JAKMIP1: variants seen among roughly 807,000 people sequenced by gnomAD.
The protein encoded by JAKMIP1 is janus kinase and microtubule-interacting protein 1.
A neutral mutation model predicts 113.0 loss-of-function variants in JAKMIP1; 33 were observed. That is an observed-to-expected ratio of 0.29 (90% confidence interval 0.22 to 0.39). The LOEUF (loss-of-function observed/expected upper bound fraction) is 0.39, where lower values mean the gene tolerates loss of function less well. Among genes scored for constraint, JAKMIP1 ranks in the 10% least tolerant of loss-of-function variants. JAKMIP1 has a pLI of 1.00. For synonymous variants in JAKMIP1, 480 were observed against 459.9 expected (o/e 1.04, Z -0.56); for missense variants, 813 against 1,080.5 (o/e 0.75, Z 3.47).
chr4:6,135,624 A>G lies in JAKMIP1; in HGVS notation c.-147-22627T>C, dbSNP rs1719118802. 6.6e-6 allele frequency among the ~76,000 whole-genome samples: 1 copy of G among 152,166 alleles called. No homozygotes were observed. The highest frequency in any genetic ancestry group is 2.1e-4 in the South Asian group (1 of 4,820). On this transcript the variant is annotated intron_variant, in intron 1 of 20. Transcript: ENST00000409021. The surrounding 1 kb of genome is among the most constrained non-coding windows in gnomAD (Gnocchi z 4.9). ...CATACACAGCATTTTGCAGATTAAA[A>G]TAATCTAGTTCCCTGCATACCACTG...
Position 6,168,506 on chromosome 4 carries a change from A to G in JAKMIP1, c.-148+31747T>C, listed in dbSNP as rs1438505953. The stretch of plus-strand genomic sequence containing the variant: ...TCAACACCTGCTACGACATGAATGA[A>G]CCTGGAAAACATTCCACTAAATGAA... On this transcript the variant is annotated intron_variant, in intron 1 of 20. Transcript: ENST00000409021. The surrounding 1 kb of genome is among the most constrained non-coding windows in gnomAD (Gnocchi z 4.6). 6.6e-6 allele frequency among the ~76,000 whole-genome samples: 1 copy of G among 152,208 alleles called. No homozygotes were observed. Among genetic ancestry groups the G allele is most frequent in the Non-Finnish European group, 1.5e-5 (1 of 68,046 alleles).
At position 6,085,540 on chromosome 4, in the gene JAKMIP1, C is replaced by A; in HGVS notation, c.714G>T (p.Leu238=). ...VQAGQTQKLL[L]QKEALDEQLV... is the part of the protein sequence containing the mutation. ...GCTGCTCATCCAAAGCCTCTTTCTGCAGAAGCAGCTTCTGGGTCTGCCCAG... is the reference window on the plus strand; with the variant it reads ...GCTGCTCATCCAAAGCCTCTTTCTGAAGAAGCAGCTTCTGGGTCTGCCCAG... Residue 238 remains leucine, a synonymous_variant, in exon 4 of 21, where the codon CTG becomes CTT. Coordinates refer to ENST00000409021, the MANE Select transcript of JAKMIP1 (RefSeq NM_001099433.2). The A allele has an allele frequency of 6.2e-7, 1 of 1,614,238 alleles. No individual in the cohort carries two copies. Among genetic ancestry groups the A allele is most frequent in the East Asian group, 2.2e-5 (1 of 44,884 alleles).
In JAKMIP1 at chr4:6,049,891, G is replaced by A. The variant is rs1460914199; in HGVS notation, c.1909-19C>T. 8.1e-6 allele frequency: 13 copies of A among 1,595,936 alleles called. No individual in the cohort carries two copies. The highest frequency in any genetic ancestry group is 1.3e-5 in the African/African-American group (1 of 74,574). On this transcript the variant is annotated intron_variant, in intron 14 of 20. Coordinates refer to ENST00000409021, the MANE Select transcript of JAKMIP1 (RefSeq NM_001099433.2). This position sits in a 1 kb window ranked among gnomAD's most constrained non-coding sequence, Gnocchi z 7.0. ...TCACATCCTGGAAGAGATTTCCAAC[G>A]TTCATTTTTGTGTGAGCTACAGAGA...
intron 8 of JAKMIP1, among the ~76,000 whole-genome samples, chr4:6,066,734 C>T (rs1236357174): frequency 1.3e-5 from 2 of 152,140 alleles, no homozygotes; most frequent in Admixed American, 6.5e-5. Flanking sequence ...CTCTCCCCCT[C>T]TCTCCATTGG....
rs1451991242 is a variant in JAKMIP1, at chr4:6,106,440, T to C, written c.130-473A>G. Among the ~76,000 whole-genome samples the C allele has an allele frequency of 6.6e-6, 1 of 152,094 alleles. No homozygotes were observed. The highest frequency in any genetic ancestry group is 1.5e-5 in the Non-Finnish European group (1 of 68,012). On this transcript the variant is annotated intron_variant, in intron 2 of 20. Transcript: ENST00000409021. This position sits in a 1 kb window ranked among gnomAD's most constrained non-coding sequence, Gnocchi z 5.9. ...CACCATTCTTGTTGAGTGGGGTCCC[T>C]AGCTGGGCTGGGGGCTCCAATGCAT...
rs182469100 is a variant in JAKMIP1 at position 6,072,388 on chromosome 4, C to T, written c.1302+6551G>A. 1.2e-4 allele frequency among the ~76,000 whole-genome samples: 19 copies of T among 152,308 alleles called. No homozygotes were observed. In the East Asian group the frequency reaches 2.5e-3, roughly 20 times the overall value. On this transcript the variant is annotated intron_variant, in intron 8 of 20. Coordinates refer to ENST00000409021, the MANE Select transcript of JAKMIP1 (RefSeq NM_001099433.2). ...TGATTTACATCAGCCACTCAGCTGGCGAGGCTGGGACAAAGTCCTGCTGCC... is the reference window on the plus strand; with the variant it reads ...TGATTTACATCAGCCACTCAGCTGGTGAGGCTGGGACAAAGTCCTGCTGCC...
rs768451405 is a variant in JAKMIP1 at position 6,142,955 on chromosome 4, G to A, written c.-147-29958C>T. On this transcript the variant is annotated intron_variant, in intron 1 of 20. Transcript: ENST00000409021. This position sits in a 1 kb window ranked among gnomAD's most constrained non-coding sequence, Gnocchi z 5.5. ...AGCACTGTGTGTGTGTGTGTTTGTG[G>A]CCTCTCATCTCTGACTATACTATCA... is the stretch of plus-strand genomic sequence containing the variant. Among the ~76,000 whole-genome samples, 8 of 152,158 alleles carry A rather than the reference G, an allele frequency of 5.3e-5. No individual in the cohort carries two copies. The highest frequency in any genetic ancestry group is 1.2e-4 in the Non-Finnish European group (8 of 68,032).
At chr4:6,035,385 C>T (rs966228113) in intron 19 of JAKMIP1, among the ~76,000 whole-genome samples, 1 of 152,130 alleles carries the variant, frequency 6.6e-6, no homozygotes, top group African/African-American at 2.4e-5. Context: ...CTGCATGATG[C>T]TGCTGCTTCT....
chr4:6,130,358 G>A (rs1718327649), intron 1 of JAKMIP1, among the ~76,000 whole-genome samples: 1 of 152,188 alleles, frequency 6.6e-6, no homozygotes, highest in Non-Finnish European at 1.5e-5. Flanking sequence ...AGACAACTGA[G>A]GTCATAGGAC....
chr4:6,109,658 G>A lies in JAKMIP1; in HGVS notation c.129+3064C>T, dbSNP rs114631412. On this transcript the variant is annotated intron_variant, in intron 2 of 20. Coordinates refer to ENST00000409021, the MANE Select transcript of JAKMIP1 (RefSeq NM_001099433.2). ...TTCCAAACACTTCTCACTCAGCCCAGGCATGGAGCATGCATGCCAGGGGTT... is the reference window on the plus strand; with the variant it reads ...TTCCAAACACTTCTCACTCAGCCCAAGCATGGAGCATGCATGCCAGGGGTT... Among the ~76,000 whole-genome samples, 267 of 152,098 alleles carry A rather than the reference G, an allele frequency of 1.8e-3. 1 individual carries two copies. The highest frequency in any genetic ancestry group is 5.8e-3 in the African/African-American group (241 of 41,502).
At position 6,109,299 on chromosome 4, in the gene JAKMIP1, A is replaced by AT. The variant is rs540713177; in HGVS notation, c.130-3333dup. Reference sequence around the variant, plus strand: ...AGGCACCCGCCACTGCGCCCGGCTAATTTTTTTATATTTTTAGTAGAGACA... The same window carrying AT: ...AGGCACCCGCCACTGCGCCCGGCTAATTTTTTTTATATTTTTAGTAGAGACA... On this transcript the variant is annotated intron_variant, in intron 2 of 20. Coordinates refer to ENST00000409021, the MANE Select transcript of JAKMIP1 (RefSeq NM_001099433.2). 1.2e-3 allele frequency among the ~76,000 whole-genome samples: 183 copies of AT among 151,650 alleles called. 1 individual carries two copies. The highest frequency in any genetic ancestry group is 4.1e-3 in the African/African-American group (168 of 41,346).
chr4:6,039,285 A>C (rs1713990750), intron 18 of JAKMIP1, among the ~76,000 whole-genome samples: 1 of 152,158 alleles, frequency 6.6e-6, no homozygotes, highest in Non-Finnish European at 1.5e-5. Context: ...GTTCTGCAAG[A>C]TGTCCCTTGA....
rs1460479241 is a variant in JAKMIP1 at position 6,106,580 on chromosome 4, A to C, written c.130-613T>G. ...TCTTCCTCTCTCTCTCCTCTGTTTT[A>C]TCATGAGGCAGCCAAAGATCAGAGA... is the stretch of plus-strand genomic sequence containing the variant. On this transcript the variant is annotated intron_variant, in intron 2 of 20. Transcript: ENST00000409021. The surrounding 1 kb of genome is among the most constrained non-coding windows in gnomAD (Gnocchi z 5.9). 6.6e-6 allele frequency among the ~76,000 whole-genome samples: 1 copy of C among 151,456 alleles called. No homozygotes were observed. Among genetic ancestry groups the C allele is most frequent in the Non-Finnish European group, 1.5e-5 (1 of 67,872 alleles).
rs908519113 is a variant in JAKMIP1, at chr4:6,176,875, A to C, written c.-148+23378T>G. Among the ~76,000 whole-genome samples the C allele has an allele frequency of 6.6e-6, 1 of 152,206 alleles. No individual in the cohort carries two copies. Among genetic ancestry groups the C allele is most frequent in the African/African-American group, 2.4e-5 (1 of 41,446 alleles). On this transcript the variant is annotated intron_variant, in intron 1 of 20. Coordinates refer to ENST00000409021, the MANE Select transcript of JAKMIP1 (RefSeq NM_001099433.2). This position sits in a 1 kb window ranked among gnomAD's most constrained non-coding sequence, Gnocchi z 5.5. ...TGGCGAAACCCTGCCTCTACAAAAA[A>C]TACAAAAATTAGCCAGGCATGGTGG...
intron 2 of JAKMIP1, among the ~76,000 whole-genome samples, chr4:6,107,254 C>T (rs1714110341): frequency 6.6e-6 from 1 of 152,178 alleles, no homozygotes; most frequent in African/African-American, 2.4e-5. Context: ...GTTCTCCCTC[C>T]TGCGAGGCAA....
At position 6,046,392 on chromosome 4, in the gene JAKMIP1, G is replaced by T. The variant is rs188481943; in HGVS notation, c.2028+2465C>A. Reference sequence around the variant, plus strand: ...CCAACCTGAGAAAACTCTGGTTTAAGTCTATTCCTCAAAGACGCGGAGCTG... The same window carrying T: ...CCAACCTGAGAAAACTCTGGTTTAATTCTATTCCTCAAAGACGCGGAGCTG... On this transcript the variant is annotated intron_variant, in intron 16 of 20. Coordinates refer to ENST00000409021, the MANE Select transcript of JAKMIP1 (RefSeq NM_001099433.2). Among the ~76,000 whole-genome samples, 112 of 152,378 alleles carry T rather than the reference G, an allele frequency of 7.4e-4. 2 individuals carry two copies. The East Asian group carries it at 0.016, about 22-fold the overall frequency.
At chr4:6,145,076 C>T (rs999502016) in intron 1 of JAKMIP1, among the ~76,000 whole-genome samples, 5 of 152,084 alleles carry the variant, frequency 3.3e-5, no homozygotes, top group South Asian at 2.1e-4. Context: ...TATTCCTATA[C>T]GCTGGCAATG....
intron 2 of JAKMIP1, 103 bp downstream of exon 2, chr4:6,112,619 G>GC (rs1715123432): frequency 1.4e-6 from 2 of 1,398,170 alleles, no homozygotes; most frequent in African/African-American, 1.4e-5. Flanking sequence ...CCCCCCCTCG[G>GC]CCCCCCTCCT....
At chr4:6,170,528 TCACCAC>T (rs1365903619) in intron 1 of JAKMIP1, among the ~76,000 whole-genome samples, 1 of 33,516 alleles carries the variant, frequency 3.0e-5, no homozygotes, top group Non-Finnish European at 6.3e-5. Flanking sequence ...ACCACCATTA[TCACCAC>T]CACCACCACC....
Sources: gnomAD v4.1 joint callset for allele counts (sites outside exome capture counted in the v4.1 genomes callset) on GRCh38, gnomAD v4.1.1 for gene constraint, Gnocchi (gnomAD v3.1) non-coding constraint, MANE v1.5 for transcripts, NCBI Gene and HGNC (gene_info 2026-07-23, HGNC 2026-07-21) for gene names.